Variants in GRM7 observed in about 807,000 individuals in gnomAD.
GRM7 encodes metabotropic glutamate receptor 7.
A neutral mutation model predicts 84.5 loss-of-function variants in GRM7; 35 were observed. That is an observed-to-expected ratio of 0.41 (90% CI 0.32 to 0.55). GRM7 has a LOEUF of 0.55. GRM7 is among the 20% of genes least tolerant of loss of function. The pLI is 0.19. For synonymous variants in GRM7, 487 were observed against 455.1 expected, an observed-to-expected ratio of 1.07 and a Z score of -0.89; for missense variants, 1,003 against 1,194.6, an observed-to-expected ratio of 0.84 and a Z score of 2.36.
intron 8 of GRM7, among the ~76,000 whole-genome samples, chr3:7,599,757 C>T (rs769432901): frequency 2.0e-5 from 3 of 152,038 alleles, no homozygotes; most frequent in Non-Finnish European, 4.4e-5. Context: ...GGCTTAATGA[C>T]AACCTGATAT....
chr3:7,543,175 G>A (rs768709555), intron 7 of GRM7, among the ~76,000 whole-genome samples: 27 of 152,164 alleles, frequency 1.8e-4, no homozygotes, highest in East Asian at 3.9e-4. Flanking sequence ...GTTTAGAGCC[G>A]AGAGGTTAAT....
intron 1 of GRM7, among the ~76,000 whole-genome samples, chr3:7,122,896 G>A (rs1451554067): frequency 1.3e-5 from 2 of 150,726 alleles, no homozygotes; most frequent in Admixed American, 1.3e-4. Context: ...TTGTGGGGAG[G>A]GGAATCCATT....
chr3:7,237,381 A>G (rs1342618412), intron 2 of GRM7, among the ~76,000 whole-genome samples: 1 of 152,114 alleles, frequency 6.6e-6, no homozygotes, highest in Non-Finnish European at 1.5e-5. Flanking sequence ...CCCATCCCAG[A>G]TGGTAGAAAT....
intron 2 of GRM7, among the ~76,000 whole-genome samples, chr3:7,256,727 A>G (rs963264245): frequency 3.3e-5 from 5 of 152,214 alleles, no homozygotes; most frequent in Non-Finnish European, 5.9e-5. Context: ...GCTATATTCT[A>G]GGCCTTGGAA....
At chr3:7,540,486 C>A (rs956101757) in intron 7 of GRM7, among the ~76,000 whole-genome samples, 1 of 152,120 alleles carries the variant, frequency 6.6e-6, no homozygotes, top group Admixed American at 6.5e-5. Context: ...ACCCAAAAAA[C>A]ATATATGAAT....
chr3:7,292,716 CTT>C (rs369266184), intron 2 of GRM7, among the ~76,000 whole-genome samples: 14,010 of 146,432 alleles, frequency 0.096, 874 homozygotes, highest in Non-Finnish European at 0.15. Flanking sequence ...TATATTATTT[CTT>C]TTTTTTTTAA....
chr3:7,692,207 G>GGACAGATAGGCTC (rs1226978118), intron 9 of GRM7, among the ~76,000 whole-genome samples: 1 of 152,076 alleles, frequency 6.6e-6, no homozygotes, highest in Non-Finnish European at 1.5e-5. Context: ...AGCTGCTATG[G>GGACAGATAGGCTC]GACAGATAGG....
chr3:7,318,195 T>C (rs928920207), intron 4 of GRM7, among the ~76,000 whole-genome samples: 2 of 152,066 alleles, frequency 1.3e-5, no homozygotes, highest in Admixed American at 1.3e-4. Context: ...ACATCAGCAA[T>C]TTATTTGTTT....
intron 8 of GRM7, among the ~76,000 whole-genome samples, chr3:7,626,657 A>G (rs1697628759): frequency 6.6e-6 from 1 of 152,130 alleles, no homozygotes; most frequent in South Asian, 2.1e-4. Flanking sequence ...ATCCTTCTGT[A>G]TGTGTCCAAA....
At chr3:7,733,956 T>C (rs1230298661) in intron 9 of GRM7, among the ~76,000 whole-genome samples, 2 of 152,176 alleles carry the variant, frequency 1.3e-5, no homozygotes, top group Non-Finnish European at 2.9e-5. Flanking sequence ...AAGACAAAAT[T>C]AGTCTTTGTA....
At chr3:7,368,503 A>G (rs1237823525) in intron 4 of GRM7, among the ~76,000 whole-genome samples, 2 of 152,198 alleles carry the variant, frequency 1.3e-5, no homozygotes, top group African/African-American at 2.4e-5. Context: ...ATTTTTTTCT[A>G]TTGAAAATGT....
At chr3:7,187,746 T>G (rs1003986779) in intron 2 of GRM7, among the ~76,000 whole-genome samples, 24 of 152,182 alleles carry the variant, frequency 1.6e-4, no homozygotes, top group African/African-American at 5.8e-4. Context: ...CATTGGGTCA[T>G]TGACATGGAA....
chr3:7,039,670 T>G (rs2124939165), intron 1 of GRM7, among the ~76,000 whole-genome samples: 1 of 152,040 alleles, frequency 6.6e-6, no homozygotes, highest in East Asian at 1.9e-4. Context: ...AAAATGCAGT[T>G]CAGGGAAAAT....
chr3:7,382,463 C>T (rs1694628968), intron 4 of GRM7, among the ~76,000 whole-genome samples: 1 of 152,052 alleles, frequency 6.6e-6, no homozygotes, highest in Admixed American at 6.5e-5. Flanking sequence ...GGGAATGCTC[C>T]TCAAACCATC....
intron 1 of GRM7, among the ~76,000 whole-genome samples, chr3:7,060,794 T>A (rs1356520331): frequency 6.6e-6 from 1 of 151,844 alleles, no homozygotes; most frequent in East Asian, 2.0e-4. Flanking sequence ...TTGAGAAAGG[T>A]AGGAAAGAAT....
chr3:7,274,645 T>C (rs528400446), intron 2 of GRM7, among the ~76,000 whole-genome samples: 1 of 152,202 alleles, frequency 6.6e-6, no homozygotes, highest in Non-Finnish European at 1.5e-5. Context: ...GTAATTCTTA[T>C]CATTATTTCT....
intron 5 of GRM7, among the ~76,000 whole-genome samples, chr3:7,450,465 A>G (rs1210432931): frequency 6.6e-6 from 1 of 152,178 alleles, no homozygotes; most frequent in African/African-American, 2.4e-5. Context: ...AGAACATGAA[A>G]AACACATACA....
chr3:6,879,618 A>G (rs1695434864), intron 1 of GRM7, among the ~76,000 whole-genome samples: 1 of 152,200 alleles, frequency 6.6e-6, no homozygotes, highest in African/African-American at 2.4e-5. Context: ...TGTGAATAGT[A>G]TCAGGACTTC....
At chr3:7,643,399 A>G (rs1698458055) in intron 8 of GRM7, among the ~76,000 whole-genome samples, 1 of 152,128 alleles carries the variant, frequency 6.6e-6, no homozygotes. Flanking sequence ...TGAAGTACTC[A>G]TGCCCTACTT....
Sources: allele counts gnomAD v4.1 joint callset (sites outside exome capture counted in the v4.1 genomes callset), GRCh38; gene constraint gnomAD v4.1.1; transcripts MANE v1.5; gene names NCBI Gene and HGNC (gene_info 2026-07-23, HGNC 2026-07-21).